HOXC5: variants seen among roughly 807,000 people sequenced by gnomAD.
The protein encoded by HOXC5 is homeobox protein Hox-C5.
Under a neutral mutation model 20.1 loss-of-function variants are expected in HOXC5, and 19 were observed. The ratio of observed to expected loss-of-function variants is 0.94; its 90% CI spans 0.66 to 1.38. The LOEUF (loss-of-function observed/expected upper bound fraction) is 1.38. Among genes scored for constraint, HOXC5 ranks in the 40% most tolerant of loss-of-function variants. The pLI is 0.00. For missense variants in HOXC5, 330 were observed against 300.1 expected (o/e 1.10, Z -0.74); for synonymous variants, 124 against 117.0 (o/e 1.06, Z -0.39).
chr12:54,024,349 G>A, the HOXC5 span, among the ~76,000 whole-genome samples: 1 of 152,132 alleles, frequency 6.6e-6, no homozygotes. Flanking sequence ...TTGGGTCCCC[G>A]AGCAGCCTCA....
chr12:54,032,845 T>A (rs1305901439), upstream of HOXC5: 20 of 167,312 alleles, frequency 1.2e-4, no homozygotes, highest in East Asian at 2.6e-3. Flanking sequence ...TCACTCCCTC[T>A]CCCCCTTGGT....
chr12:54,023,673 CA>C, the HOXC5 span, among the ~76,000 whole-genome samples: 1 of 152,144 alleles, frequency 6.6e-6, no homozygotes, highest in Admixed American at 6.5e-5. Flanking sequence ...GCCCTGTCCC[CA>C]AAATATTAGC....
At chr12:54,030,046 A>G, upstream of HOXC5, 2 of 1,281,470 alleles carry the variant, frequency 1.6e-6, no homozygotes, top group South Asian at 3.2e-5. Flanking sequence ...TGTATTTATC[A>G]CTGGCACAAT....
the HOXC5 span, among the ~76,000 whole-genome samples, chr12:54,025,307 T>C: frequency 1.3e-5 from 2 of 152,196 alleles, no homozygotes; most frequent in African/African-American, 4.8e-5. Context: ...TAGAAAAATC[T>C]AAGTCCCAGC....
upstream of HOXC5, chr12:54,028,843 CA>C (rs776708657): frequency 6.2e-7 from 1 of 1,614,144 alleles, no homozygotes; most frequent in East Asian, 2.2e-5. Context: ...TAGTTCTGAG[CA>C]GGGCAGGACT....
the HOXC5 span, among the ~76,000 whole-genome samples, chr12:54,018,588 A>T: frequency 6.6e-6 from 1 of 152,180 alleles, no homozygotes; most frequent in African/African-American, 2.4e-5. Flanking sequence ...ACAGTGGCTT[A>T]ATTTCTTCCA....
the HOXC5 span, chr12:54,019,933 G>T: frequency 2.0e-5 from 3 of 152,130 alleles, no homozygotes; most frequent in Non-Finnish European, 1.5e-5. Flanking sequence ...AGCAGAGAAG[G>T]CATAGCAGCA....
upstream of HOXC5, chr12:54,028,949 TTAAA>T: frequency 1.3e-6 from 2 of 1,575,282 alleles, no homozygotes; most frequent in Non-Finnish European, 1.7e-6. Context: ...GAGATATAAA[TTAAA>T]TAAACTGAAC....
At chr12:54,026,972 G>A in the HOXC5 span, among the ~76,000 whole-genome samples, 1 of 138,902 alleles carries the variant, frequency 7.2e-6, no homozygotes, top group Non-Finnish European at 1.6e-5. Context: ...GGTGGGGGGG[G>A]GGGGATATGA....
At chr12:54,020,070 CCT>C in the HOXC5 span, 11 of 152,308 alleles carry the variant, frequency 7.2e-5, no homozygotes, top group Non-Finnish European at 1.5e-4. Context: ...TCTTTCTCTC[CCT>C]CTCTGGCATT....
At chr12:54,030,619 C>T (rs548022112), upstream of HOXC5, 16 of 152,396 alleles carry the variant, frequency 1.0e-4, no homozygotes, top group Non-Finnish European at 1.6e-4. Context: ...TGTTTAGCAC[C>T]GTCAGTGTTC....
At chr12:54,026,124 A>AG in the HOXC5 span, among the ~76,000 whole-genome samples, 2 of 152,054 alleles carry the variant, frequency 1.3e-5, no homozygotes, top group Admixed American at 6.5e-5. Context: ...CTGAAATTGG[A>AG]GGGGGGGACA....
chr12:54,022,877 A>G, the HOXC5 span, among the ~76,000 whole-genome samples: 1 of 152,220 alleles, frequency 6.6e-6, no homozygotes, highest in East Asian at 1.9e-4. Flanking sequence ...GGAGGGGTAT[A>G]GAAGAAGCCA....
upstream of HOXC5, among the ~76,000 whole-genome samples, chr12:54,032,340 C>T (rs1422180157): frequency 1.3e-5 from 2 of 152,230 alleles, no homozygotes; most frequent in East Asian, 3.9e-4. Context: ...GTCCTGTCTA[C>T]CTCTTCAGAA....
chr12:54,033,828 T>C, intron 1 of HOXC5: 1 of 542,822 alleles, frequency 1.8e-6, no homozygotes, highest in Non-Finnish European at 3.3e-6. Flanking sequence ...GTTAAAAAAA[T>C]AGAGGGATCT....
intron 1 of HOXC5, chr12:54,033,983 C>A: frequency 1.7e-6 from 1 of 581,168 alleles, no homozygotes; most frequent in Non-Finnish European, 3.3e-6. Flanking sequence ...CCCCGGTGCT[C>A]GGATCTCGAG....
chr12:54,030,208 G>T (rs949544340), upstream of HOXC5: 15 of 419,286 alleles, frequency 3.6e-5, no homozygotes, highest in African/African-American at 2.4e-4. Context: ...TTGTCTACAG[G>T]CCCTTTTCCC....
upstream of HOXC5, among the ~76,000 whole-genome samples, chr12:54,032,039 C>G (rs1941005690): frequency 6.6e-6 from 1 of 152,248 alleles, no homozygotes; most frequent in South Asian, 2.1e-4. Context: ...TCTTGCTTCT[C>G]CATGTCCTCA....
the HOXC5 span, among the ~76,000 whole-genome samples, chr12:54,027,403 A>G: frequency 6.6e-6 from 1 of 152,202 alleles, no homozygotes. Context: ...AGCCTGCAGG[A>G]AGCTAACTGT....
Sources: allele counts gnomAD v4.1 joint callset (sites outside exome capture counted in the v4.1 genomes callset), GRCh38; gene constraint gnomAD v4.1.1; transcripts MANE v1.5; gene names NCBI Gene and HGNC (gene_info 2026-07-23, HGNC 2026-07-21).